The following ROBO2 variants were observed in gnomAD, a reference collection of about 807,000 sequenced individuals.
ROBO2 encodes roundabout guidance receptor 2, also known as roundabout homolog 2.
A neutral mutation model predicts 160.8 loss-of-function variants in ROBO2; 53 were observed. That is an observed-to-expected ratio of 0.33 (90% CI 0.26 to 0.41). The LOEUF (loss-of-function observed/expected upper bound fraction) is 0.41, where lower values mean the gene tolerates loss of function less well. ROBO2 is among the 10% of genes least tolerant of loss of function. ROBO2 has a pLI of 1.00. For synonymous variants in ROBO2, 664 were observed against 611.7 expected (o/e 1.09, Z -1.26); for missense variants, 1,577 against 1,722.4 (o/e 0.92, Z 1.49).
intron 2 of ROBO2, among the ~76,000 whole-genome samples, chr3:76,424,236 G>T (rs2076117455): frequency 6.6e-6 from 1 of 152,122 alleles, no homozygotes; most frequent in Non-Finnish European, 1.5e-5. Flanking sequence ...ATTATGCAAT[G>T]AATTGAACAA....
At chr3:76,967,512 T>G (rs1337622664) in intron 2 of ROBO2, among the ~76,000 whole-genome samples, 2 of 35,884 alleles carry the variant, frequency 5.6e-5, no homozygotes, top group Non-Finnish European at 9.8e-5. Context: ...TGGCCAGCTC[T>G]TTTTTTTTTT....
chr3:77,005,759 G>A (rs2061547211), intron 2 of ROBO2, among the ~76,000 whole-genome samples: 2 of 152,162 alleles, frequency 1.3e-5, no homozygotes, highest in Admixed American at 1.3e-4. Context: ...ATGTGAATTT[G>A]GTTTCTAAAG....
chr3:75,972,498 G>C (rs952420456), intron 2 of ROBO2, among the ~76,000 whole-genome samples: 3 of 151,636 alleles, frequency 2.0e-5, no homozygotes, highest in African/African-American at 7.3e-5. Flanking sequence ...AATTATGTTT[G>C]TGCTGCCAGC....
chr3:77,446,582 T>C (rs1453043957), intron 2 of ROBO2, among the ~76,000 whole-genome samples: 1 of 152,104 alleles, frequency 6.6e-6, no homozygotes, highest in East Asian at 1.9e-4. Flanking sequence ...TTAAAATCAC[T>C]TTATATCTGT....
chr3:76,262,649 A>T (rs540247311), intron 2 of ROBO2, among the ~76,000 whole-genome samples: 23 of 152,152 alleles, frequency 1.5e-4, no homozygotes, highest in Non-Finnish European at 2.9e-4. Context: ...AATATTTGAA[A>T]AAGTTAAACT....
intron 2 of ROBO2, among the ~76,000 whole-genome samples, chr3:76,218,879 A>C (rs1575941284): frequency 6.6e-6 from 1 of 152,326 alleles, no homozygotes; most frequent in Non-Finnish European, 1.5e-5. Flanking sequence ...AAAAGAACAA[A>C]GCTGGAGGCA....
intron 2 of ROBO2, among the ~76,000 whole-genome samples, chr3:76,534,499 G>A (rs530199877): frequency 3.9e-5 from 6 of 152,202 alleles, no homozygotes; most frequent in African/African-American, 1.2e-4. Flanking sequence ...CAGTCTGAAT[G>A]GAGAAGTTCC....
intron 2 of ROBO2, among the ~76,000 whole-genome samples, chr3:76,109,998 CT>C (rs982961565): frequency 2.0e-5 from 3 of 150,894 alleles, no homozygotes; most frequent in African/African-American, 7.3e-5. Context: ...TAATTTTGTT[CT>C]TTTTATGACT....
rs372086948 is a variant in ROBO2, at chr3:76,801,710, T to A, written c.110-296304T>A. Among the ~76,000 whole-genome samples the A allele has an allele frequency of 2.6e-5, 4 of 152,304 alleles. No homozygotes were observed. The East Asian group carries it at 7.7e-4, about 29-fold the overall frequency. ...GTATTCACTGGAGTAGCACTTTTAA[T>A]TTCCTTCAAGAACTTTCCCTTTGCA... On this transcript the variant is annotated intron_variant, in intron 2 of 26. Coordinates refer to the ROBO2 transcript ENST00000487694.
chr3:76,776,311 A>G (rs997448422), intron 2 of ROBO2, among the ~76,000 whole-genome samples: 6 of 151,048 alleles, frequency 4.0e-5, no homozygotes, highest in African/African-American at 1.5e-4. Flanking sequence ...AATGGCAGTA[A>G]AAACATATGT....
chr3:76,797,131 G>A (rs531355789), intron 2 of ROBO2, among the ~76,000 whole-genome samples: 17 of 152,188 alleles, frequency 1.1e-4, no homozygotes, highest in African/African-American at 4.1e-4. Flanking sequence ...TTCATCCAAT[G>A]GCTGCAGAAT....
chr3:76,273,107 ACACACACATATAAATATAT>A (rs1559707218), intron 2 of ROBO2, among the ~76,000 whole-genome samples: 127 of 27,126 alleles, frequency 4.7e-3, no homozygotes, highest in African/African-American at 8.0e-3. Flanking sequence ...ACACATATAC[ACACACACATATAAATATAT>A]ATATATATAT....
At position 77,590,990 on chromosome 3, in the gene ROBO2, G is replaced by A. The variant is rs1298525271; in HGVS notation, c.2683+2057G>A. Reference sequence around the variant, plus strand: ...TTTTGGAGTAAGGCCAAGCCAGAGAGAAGCCTTTCAGAAGTTTTTTACTTA... The same window carrying A: ...TTTTGGAGTAAGGCCAAGCCAGAGAAAAGCCTTTCAGAAGTTTTTTACTTA... On this transcript the variant is annotated intron_variant, in intron 17 of 25. Coordinates refer to ENST00000461745, the Ensembl canonical transcript of ROBO2. 4.6e-5 allele frequency among the ~76,000 whole-genome samples: 7 copies of A among 152,078 alleles called. 1 individual carries two copies. Among genetic ancestry groups the A allele is most frequent in the Non-Finnish European group, 1.0e-4 (7 of 68,006 alleles).
At chr3:76,284,189 C>T (rs551069806) in intron 2 of ROBO2, among the ~76,000 whole-genome samples, 33 of 152,064 alleles carry the variant, frequency 2.2e-4, no homozygotes, top group African/African-American at 6.7e-4. Flanking sequence ...AATAAGCTAG[C>T]GTACACATAT....
At chr3:76,357,241 C>A (rs185912560) in intron 2 of ROBO2, among the ~76,000 whole-genome samples, 7 of 151,934 alleles carry the variant, frequency 4.6e-5, no homozygotes, top group African/African-American at 1.7e-4. Flanking sequence ...AATGCAGGAA[C>A]AGAAAACCAA....
chr3:77,364,825 A>G (rs571026533), intron 2 of ROBO2, among the ~76,000 whole-genome samples: 42 of 152,322 alleles, frequency 2.8e-4, no homozygotes, highest in Non-Finnish European at 5.6e-4. Flanking sequence ...ATCAATTGAC[A>G]ACAGATAGAT....
chr3:76,620,851 C>T (rs927888687), intron 2 of ROBO2, among the ~76,000 whole-genome samples: 1 of 152,134 alleles, frequency 6.6e-6, no homozygotes, highest in Admixed American at 6.5e-5. Context: ...TACTCTCTAA[C>T]TATTGGAGTA....
chr3:77,081,292 G>A (rs148681951), intron 1 of ROBO2, among the ~76,000 whole-genome samples: 1 of 152,242 alleles, frequency 6.6e-6, no homozygotes, highest in Non-Finnish European at 1.5e-5. Flanking sequence ...TCATTATTAC[G>A]CCATTGGCCA....
chr3:77,287,692 A>G (rs1005062362), intron 2 of ROBO2, among the ~76,000 whole-genome samples: 3 of 152,204 alleles, frequency 2.0e-5, no homozygotes, highest in Non-Finnish European at 4.4e-5. Flanking sequence ...TGTTGCTTTC[A>G]GAATTCCTCA....
Sources: gnomAD v4.1 joint callset for allele counts (sites outside exome capture counted in the v4.1 genomes callset) on GRCh38, gnomAD v4.1.1 for gene constraint, MANE v1.5 for transcripts, NCBI Gene and HGNC (gene_info 2026-07-23, HGNC 2026-07-21) for gene names.